TC2N: variants seen among roughly 807,000 people sequenced by gnomAD.
The protein encoded by TC2N is tandem C2 domains nuclear protein.
TC2N carries 51 observed loss-of-function variants against 61.9 expected under a neutral mutation model. The ratio of observed to expected loss-of-function variants is 0.82; its 90% CI spans 0.66 to 1.04. TC2N has a LOEUF of 1.04. TC2N is among the 50% of genes least tolerant of loss of function. The probability of loss-of-function intolerance (pLI) is 0.00; values close to 1 mark genes in which losing one functional copy is unlikely to be tolerated. For missense variants in TC2N, 556 were observed against 566.7 expected, an observed-to-expected ratio of 0.98 and a Z score of 0.19; for synonymous variants, 204 against 192.6, an observed-to-expected ratio of 1.06 and a Z score of -0.49.
At chr14:91,791,816 T>C (rs1186019578) in intron 9 of TC2N, among the ~76,000 whole-genome samples, 1 of 152,042 alleles carries the variant, frequency 6.6e-6, no homozygotes, top group Non-Finnish European at 1.5e-5. Context: ...AAAACATTAA[T>C]AAGAAATGTG....
At chr14:91,857,705 C>T (rs1888509131) in intron 1 of TC2N, among the ~76,000 whole-genome samples, 1 of 152,196 alleles carries the variant, frequency 6.6e-6, no homozygotes, top group Non-Finnish European at 1.5e-5. Flanking sequence ...TCCCAGCATT[C>T]CTTCCACTAT....
intron 1 of TC2N, among the ~76,000 whole-genome samples, chr14:91,852,694 C>T (rs2139919547): frequency 6.6e-6 from 1 of 152,214 alleles, no homozygotes; most frequent in East Asian, 1.9e-4. Flanking sequence ...ATTTGCATGA[C>T]ATGTTTGAGG....
chr14:91,789,966 C>T (rs1266447126), intron 9 of TC2N, among the ~76,000 whole-genome samples: 3 of 152,080 alleles, frequency 2.0e-5, no homozygotes, highest in Non-Finnish European at 4.4e-5. Flanking sequence ...ATCTTCTTAG[C>T]GGGGCAATAC....
chr14:91,867,472 T>A lies in TC2N; in HGVS notation c.-267A>T, dbSNP rs1888727247. 1 of 152,200 alleles carries A rather than the reference T, an allele frequency of 6.6e-6. No homozygotes were observed. The highest frequency in any genetic ancestry group is 2.4e-5 in the African/African-American group (1 of 41,430). The allele number at this position is 152,200 out of a possible 1,614,324, so 9.4% of individuals were successfully genotyped here. A position where few individuals can be genotyped will look rare whatever the true frequency, so the allele number is the denominator to read the frequency against. ...GGAATCACCCTCTGTTTTATAAGCT[T>A]TGAAACCAGAGCATCCTGAGCCATT... On this transcript the variant is annotated 5_prime_UTR_variant, in exon 1 of 12. The change creates a premature stop within an existing upstream ORF in the 5' untranslated region. Transcript: ENST00000435962.
At chr14:91,803,407 A>G (rs1395380521) in intron 3 of TC2N, among the ~76,000 whole-genome samples, 4 of 90,152 alleles carry the variant, frequency 4.4e-5, no homozygotes, top group African/African-American at 9.9e-5. Flanking sequence ...ACACACGTAC[A>G]TACATACACA....
chr14:91,801,721 T>C (rs1886258509), intron 4 of TC2N, among the ~76,000 whole-genome samples: 1 of 152,122 alleles, frequency 6.6e-6, no homozygotes, highest in Non-Finnish European at 1.5e-5. Flanking sequence ...AAAACAAAAC[T>C]TCTTTCTTCT....
At chr14:91,796,358 C>G (rs563252778) in intron 8 of TC2N, among the ~76,000 whole-genome samples, 5 of 152,008 alleles carry the variant, frequency 3.3e-5, no homozygotes, top group African/African-American at 1.2e-4. Context: ...AAATGTTTTT[C>G]CAGCTCCTTA....
chr14:91,865,444 T>C (rs1223952857), intron 1 of TC2N, among the ~76,000 whole-genome samples: 1 of 151,872 alleles, frequency 6.6e-6, no homozygotes, highest in Non-Finnish European at 1.5e-5. Context: ...ATCAGCCATT[T>C]GTTAAGTAAC....
chr14:91,819,290 A>G (rs1887140966), intron 1 of TC2N, among the ~76,000 whole-genome samples: 1 of 152,136 alleles, frequency 6.6e-6, no homozygotes, highest in African/African-American at 2.4e-5. Context: ...AGATCATGCC[A>G]CTGCACTCCA....
chr14:91,823,258 T>A (rs1887338396), intron 1 of TC2N, among the ~76,000 whole-genome samples: 1 of 151,862 alleles, frequency 6.6e-6, no homozygotes, highest in Non-Finnish European at 1.5e-5. Context: ...TGGTGGCTCA[T>A]GCCTGTAGTC....
rs1363781776 is a variant in TC2N, at chr14:91,782,016, A to C, written c.*1084T>G. The C allele has an allele frequency of 3.3e-5, 5 of 151,972 alleles. No individual in the cohort carries two copies. The highest frequency in any genetic ancestry group is 4.8e-5 in the African/African-American group (2 of 41,416). 9.4% of individuals were successfully genotyped at this position (151,972 alleles called of 1,614,324 possible). On this transcript the variant is annotated 3_prime_UTR_variant, in exon 12 of 12. Coordinates refer to ENST00000435962, the MANE Select transcript of TC2N (RefSeq NM_001128596.3). ...GAGCACTTAGTCTACTTATTAGCAA[A>C]AATAAAGTGAGATTTTCTAAAATCA...
In TC2N at chr14:91,797,872, A is replaced by C; in HGVS notation, c.768T>G (p.Tyr256Ter). 6.2e-7 allele frequency: 1 copy of C among 1,607,000 alleles called. No individual in the cohort carries two copies. Among genetic ancestry groups the C allele is most frequent in the Non-Finnish European group, 8.5e-7 (1 of 1,175,938 alleles). The change falls in exon 8 of 12, where the codon TAT becomes TAG. Residue 256 changes from tyrosine to a stop codon, truncating the protein, a stop_gained. Coordinates refer to ENST00000435962, the MANE Select transcript of TC2N (RefSeq NM_001128596.3). LOFTEE classifies it high-confidence loss of function. ...QCRDLSWPSS[Y>*]GDTPTVSIKG... The stretch of plus-strand genomic sequence containing the variant: ...TTATAGAAACAGTAGGAGTGTCTCC[A>C]TAACTAGAGGGCCAACTTAAATCTC...
In TC2N at chr14:91,797,916, A is replaced by ACTGT; in HGVS notation, c.739-16_739-15insACAG. 6.9e-7 allele frequency: 1 copy of ACTGT among 1,443,128 alleles called. No individual in the cohort carries two copies. Among genetic ancestry groups the ACTGT allele is most frequent in the Non-Finnish European group, 9.6e-7 (1 of 1,038,038 alleles). 89.4% of individuals were successfully genotyped at this position (1,443,128 alleles called of 1,614,324 possible). On this transcript the variant is annotated splice_polypyrimidine_tract_variant and intron_variant, in intron 7 of 11. Transcript: ENST00000435962. Reference sequence around the variant, plus strand: ...AAATCTCTGCACTAAAAAAATTAAAAATACAGTTTGAATTTTACAAAGGAT... The same window carrying ACTGT: ...AAATCTCTGCACTAAAAAAATTAAAACTGTATACAGTTTGAATTTTACAAAGGAT...
Position 91,792,514 on chromosome 14 carries a change from T to C in TC2N, c.900A>G (p.Gln300=), listed in dbSNP as rs147843296. Residue 300 remains glutamine, a synonymous_variant, in exon 9 of 12, where the codon CAA becomes CAG. Coordinates refer to ENST00000435962, the MANE Select transcript of TC2N (RefSeq NM_001128596.3). ...METFVFAIKL[Q]NLQTVRLVFK... ...ATACAAGTCTTACAGTTTGTAGATT[T>C]TGAAGTTTAATAGCAAATACAAACG... is the stretch of plus-strand genomic sequence containing the variant. The C allele has an allele frequency of 9.2e-5, 147 of 1,598,954 alleles. No homozygotes were observed. In the African/African-American group the frequency reaches 1.7e-3, roughly 19 times the overall value.
At chr14:91,833,583 T>C (rs1051035120) in intron 1 of TC2N, among the ~76,000 whole-genome samples, 4 of 152,032 alleles carry the variant, frequency 2.6e-5, no homozygotes, top group Admixed American at 6.6e-5. Context: ...TCCCCTAAAG[T>C]TTCCTCATAC....
intron 1 of TC2N, among the ~76,000 whole-genome samples, chr14:91,838,721 A>C (rs1888112807): frequency 6.6e-6 from 1 of 152,214 alleles, no homozygotes; most frequent in Non-Finnish European, 1.5e-5. Context: ...GAGCTCCCCT[A>C]ATTGTTCCTA....
At chr14:91,856,424 T>C (rs551092691) in intron 1 of TC2N, among the ~76,000 whole-genome samples, 2 of 151,332 alleles carry the variant, frequency 1.3e-5, no homozygotes, top group Non-Finnish European at 2.9e-5. Context: ...GCAGAAGTAG[T>C]TGCAGTGAGG....
At chr14:91,816,761 C>A (rs1036847952) in intron 1 of TC2N, among the ~76,000 whole-genome samples, 23 of 151,812 alleles carry the variant, frequency 1.5e-4, no homozygotes, top group Non-Finnish European at 2.4e-4. Context: ...GCACAAACAC[C>A]ACATATTAAA....
chr14:91,863,139 C>A (rs1888627862), intron 1 of TC2N, among the ~76,000 whole-genome samples: 1 of 152,190 alleles, frequency 6.6e-6, no homozygotes, highest in African/African-American at 2.4e-5. Flanking sequence ...TCCATGAGAT[C>A]TTTTTAAATG....
Sources: allele counts gnomAD v4.1 joint callset (sites outside exome capture counted in the v4.1 genomes callset), GRCh38; gene constraint gnomAD v4.1.1; transcripts MANE v1.5; gene names NCBI Gene and HGNC (gene_info 2026-07-23, HGNC 2026-07-21).